Variants in AIM2 observed in about 807,000 individuals in gnomAD.
AIM2 encodes the protein interferon-inducible protein AIM2.
In AIM2, 30 loss-of-function variants were observed where a neutral mutation model predicts 27.7. The ratio of observed to expected loss-of-function variants is 1.08; its 90% CI spans 0.81 to 1.47. The LOEUF is 1.47. Ranked by LOEUF, AIM2 falls within the 40% of genes most tolerant of loss-of-function variation. The probability of loss-of-function intolerance (pLI) is 0.00; values close to 1 mark genes in which losing one functional copy is unlikely to be tolerated. For synonymous variants in AIM2, 141 were observed against 145.3 expected, an observed-to-expected ratio of 0.97 and a Z score of 0.21; for missense variants, 358 against 411.3, an observed-to-expected ratio of 0.87 and a Z score of 1.12.
At chr1:159,082,668 G>A (rs959570206) in intron 1 of AIM2, among the ~76,000 whole-genome samples, 1 of 152,050 alleles carries the variant, frequency 6.6e-6, no homozygotes, top group Non-Finnish European at 1.5e-5. Context: ...CGTAGTATAA[G>A]AGCACTAATC....
chr1:159,118,363 A>G (rs1038715245), intron 1 of AIM2, among the ~76,000 whole-genome samples: 1 of 152,204 alleles, frequency 6.6e-6, no homozygotes, highest in Non-Finnish European at 1.5e-5. Flanking sequence ...TTTAACACAT[A>G]CCTGTGTCTC....
At chr1:159,095,228 T>A (rs1471925150) in intron 1 of AIM2, among the ~76,000 whole-genome samples, 3 of 152,214 alleles carry the variant, frequency 2.0e-5, no homozygotes, top group Non-Finnish European at 4.4e-5. Flanking sequence ...TCAGTCTAAA[T>A]CAAAAGGAAG....
chr1:159,141,371 A>C, upstream of AIM2, among the ~76,000 whole-genome samples: 1 of 152,288 alleles, frequency 6.6e-6, no homozygotes, highest in Middle Eastern at 3.4e-3. Flanking sequence ...TTCAAATGCT[A>C]TGTCAGTCGG....
upstream of AIM2, among the ~76,000 whole-genome samples, chr1:159,079,122 C>T (rs1048069840): frequency 4.0e-5 from 6 of 150,866 alleles, no homozygotes; most frequent in Non-Finnish European, 7.4e-5. Context: ...GAAGAAGGAA[C>T]TTAAGGACAA....
upstream of AIM2, chr1:159,081,647 C>A (rs1489304888): frequency 3.4e-6 from 1 of 293,524 alleles, no homozygotes. Context: ...GTAACACATT[C>A]AAAGTGCAGT....
chr1:159,116,943 T>C (rs1211592080), intron 1 of AIM2, among the ~76,000 whole-genome samples: 1 of 152,166 alleles, frequency 6.6e-6, no homozygotes, highest in Non-Finnish European at 1.5e-5. Flanking sequence ...GTACTGAATT[T>C]TTTTAAGCTG....
chr1:159,055,948 T>C, the AIM2 span, among the ~76,000 whole-genome samples: 1 of 152,186 alleles, frequency 6.6e-6, no homozygotes. Context: ...GAGCTTGATT[T>C]AGAACCCAGG....
At chr1:159,107,317 T>C (rs1462064221) in intron 1 of AIM2, among the ~76,000 whole-genome samples, 1 of 150,356 alleles carries the variant, frequency 6.7e-6, no homozygotes, top group African/African-American at 2.5e-5. Context: ...TGTGTGTGTG[T>C]GTGTGTGTGT....
At chr1:159,124,744 G>A (rs959294535) in intron 1 of AIM2, among the ~76,000 whole-genome samples, 1 of 152,150 alleles carries the variant, frequency 6.6e-6, no homozygotes, top group East Asian at 1.9e-4. Context: ...GTGTTTCAGA[G>A]GTCCATTGAA....
chr1:159,090,338 A>G (rs1657017170), intron 1 of AIM2, among the ~76,000 whole-genome samples: 1 of 152,246 alleles, frequency 6.6e-6, no homozygotes, highest in Non-Finnish European at 1.5e-5. Flanking sequence ...GCAGGAATGC[A>G]GTGTAAAGAT....
chr1:159,139,525 CT>C (rs1327838021), intron 1 of AIM2, among the ~76,000 whole-genome samples: 4 of 152,194 alleles, frequency 2.6e-5, no homozygotes, highest in East Asian at 3.9e-4. Context: ...ACAATATACT[CT>C]TTTTTTTAAT....
intron 1 of AIM2, among the ~76,000 whole-genome samples, chr1:159,123,128 T>C (rs774669754): frequency 6.6e-6 from 1 of 152,138 alleles, no homozygotes; most frequent in Non-Finnish European, 1.5e-5. Context: ...ACAAATGAAA[T>C]AGTAAGACTA....
At chr1:159,087,334 A>T (rs1358301829) in intron 1 of AIM2, among the ~76,000 whole-genome samples, 1 of 151,652 alleles carries the variant, frequency 6.6e-6, no homozygotes, top group East Asian at 1.9e-4. Context: ...GATAAAAAAA[A>T]AAAATGATCA....
At chr1:159,131,537 C>A (rs1246580059) in intron 1 of AIM2, among the ~76,000 whole-genome samples, 1 of 152,062 alleles carries the variant, frequency 6.6e-6, no homozygotes, top group Non-Finnish European at 1.5e-5. Flanking sequence ...ATGCAAGGAT[C>A]TTAGAGGAAA....
chr1:159,139,127 G>A (rs970656380), intron 1 of AIM2, among the ~76,000 whole-genome samples: 3 of 152,204 alleles, frequency 2.0e-5, no homozygotes, highest in African/African-American at 7.2e-5. Flanking sequence ...TTGAAGGCTA[G>A]GCAATAGTTA....
In AIM2 at chr1:159,099,873, A is replaced by T. The variant is rs1014474082; in HGVS notation, c.-15-33544T>A. 7.9e-5 allele frequency among the ~76,000 whole-genome samples: 12 copies of T among 152,266 alleles called. No homozygotes were observed. In the East Asian group the frequency reaches 2.3e-3, roughly 29 times the overall value. The stretch of plus-strand genomic sequence containing the variant: ...AAATAATTCCCCCAACTGGGTTTAC[A>T]TTTGCACATTGGCTTTAATAACTGC... On this transcript the variant is annotated intron_variant, in intron 1 of 2. Coordinates refer to the AIM2 transcript ENST00000368129.
At chr1:159,123,387 T>C (rs547115553) in intron 1 of AIM2, 9 of 152,348 alleles carry the variant, frequency 5.9e-5, no homozygotes, top group African/African-American at 2.2e-4. Flanking sequence ...TGGCCCTTTC[T>C]TGTGATATCC....
intron 1 of AIM2, among the ~76,000 whole-genome samples, chr1:159,096,133 A>G (rs1299100154): frequency 6.6e-6 from 1 of 152,208 alleles, no homozygotes; most frequent in African/African-American, 2.4e-5. Flanking sequence ...ACACAATGCT[A>G]CTGTAGGCTG....
intron 1 of AIM2, among the ~76,000 whole-genome samples, chr1:159,115,832 G>C (rs1248860261): frequency 1.3e-5 from 2 of 152,044 alleles, no homozygotes; most frequent in African/African-American, 4.8e-5. Flanking sequence ...ATTGACAAAT[G>C]GGATCTAATT....
Sources: gnomAD v4.1 joint callset for allele counts (sites outside exome capture counted in the v4.1 genomes callset) on GRCh38, gnomAD v4.1.1 for gene constraint, MANE v1.5 for transcripts, NCBI Gene and HGNC (gene_info 2026-07-23, HGNC 2026-07-21) for gene names.